KCNH7: variants seen among roughly 807,000 people sequenced by gnomAD.
KCNH7 encodes the protein voltage-gated inwardly rectifying potassium channel KCNH7.
KCNH7 carries 49 observed loss-of-function variants against 120.8 expected under a neutral mutation model. The observed-to-expected ratio is 0.41, with a 90% CI of 0.32 to 0.51. The LOEUF (loss-of-function observed/expected upper bound fraction) is 0.51. Among genes scored for constraint, KCNH7 ranks in the 20% least tolerant of loss-of-function variants. The pLI, the probability that KCNH7 is intolerant of heterozygous loss-of-function variation, is 0.38. For synonymous variants in KCNH7, 547 were observed against 516.1 expected (o/e 1.06, Z -0.81); for missense variants, 1,097 against 1,446.6 (o/e 0.76, Z 3.92).
At chr2:162,787,515 G>C (rs532879016) in intron 2 of KCNH7, among the ~76,000 whole-genome samples, 21 of 152,108 alleles carry the variant, frequency 1.4e-4, no homozygotes, top group African/African-American at 4.8e-4. Context: ...GCTACTCATG[G>C]ATCTTGGACC....
chr2:162,564,519 T>C (rs1693181562), intron 2 of KCNH7, among the ~76,000 whole-genome samples: 1 of 152,138 alleles, frequency 6.6e-6, no homozygotes, highest in Non-Finnish European at 1.5e-5. Context: ...AAATTGCTTA[T>C]ATAATTGATC....
intron 2 of KCNH7, among the ~76,000 whole-genome samples, chr2:162,767,266 C>T (rs983028961): frequency 4.0e-5 from 6 of 151,768 alleles, no homozygotes; most frequent in Non-Finnish European, 5.9e-5. Flanking sequence ...AAGAGTATGG[C>T]ACATTTAAAA....
intron 2 of KCNH7, among the ~76,000 whole-genome samples, chr2:162,713,210 C>G (rs2105361205): frequency 6.6e-6 from 1 of 152,210 alleles, no homozygotes; most frequent in Non-Finnish European, 1.5e-5. Context: ...GTATTTACTG[C>G]AAGAGACAAC....
At chr2:162,629,150 G>A (rs1415943084) in intron 2 of KCNH7, among the ~76,000 whole-genome samples, 1 of 152,112 alleles carries the variant, frequency 6.6e-6, no homozygotes, top group African/African-American at 2.4e-5. Flanking sequence ...TACCTCACTA[G>A]TGGGCTGCTG....
chr2:162,597,097 C>T (rs1269368884), intron 2 of KCNH7, among the ~76,000 whole-genome samples: 1 of 152,012 alleles, frequency 6.6e-6, no homozygotes, highest in African/African-American at 2.4e-5. Context: ...CACTGTTGGT[C>T]AGAATGTAAA....
chr2:162,606,200 G>A (rs1027256308), intron 2 of KCNH7, among the ~76,000 whole-genome samples: 2 of 152,010 alleles, frequency 1.3e-5, no homozygotes, highest in African/African-American at 4.8e-5. Context: ...TGTGGCCCAT[G>A]AATTTTTTTT....
intron 6 of KCNH7, 127 bp downstream of exon 6, chr2:162,504,316 T>A: frequency 1.5e-6 from 1 of 673,780 alleles, no homozygotes; most frequent in Non-Finnish European, 2.6e-6. Context: ...CATCTCAAGA[T>A]AAATAGGAGT....
intron 2 of KCNH7, among the ~76,000 whole-genome samples, chr2:162,601,547 A>T (rs1694558833): frequency 6.6e-6 from 1 of 151,714 alleles, no homozygotes; most frequent in Non-Finnish European, 1.5e-5. Context: ...AACAAACTAT[A>T]AAATTAATCT....
At position 162,722,813 on chromosome 2, in the gene KCNH7, C is replaced by CTT. The variant is rs894023630; in HGVS notation, c.307+113722_307+113723dup. On this transcript the variant is annotated intron_variant, in intron 2 of 15. Coordinates refer to ENST00000332142, the MANE Select transcript of KCNH7 (RefSeq NM_033272.4). ...AATCCTTTTCATTCATTCTTTTTTT[C>CTT]TTTTTTTTTTTTTTTTTTGCTTCTC... Among the ~76,000 whole-genome samples the CTT allele has an allele frequency of 3.6e-3, 306 of 85,098 alleles. 5 individuals are homozygous for CTT. The East Asian group carries it at 0.042, about 12-fold the overall frequency. The allele number at this position is 85,098 out of a possible 152,430, so 55.8% of individuals were successfully genotyped here.
chr2:162,388,731 G>A (rs1686654042), intron 12 of KCNH7, among the ~76,000 whole-genome samples: 1 of 151,858 alleles, frequency 6.6e-6, no homozygotes, highest in Admixed American at 6.6e-5. Context: ...AATTTTCACA[G>A]GAGCTATTTT....
intron 10 of KCNH7, among the ~76,000 whole-genome samples, chr2:162,398,052 C>A (rs1227926633): frequency 6.6e-6 from 1 of 151,798 alleles, no homozygotes; most frequent in Non-Finnish European, 1.5e-5. Context: ...TTCTGACTAT[C>A]AAAGTACTTA....
intron 9 of KCNH7, among the ~76,000 whole-genome samples, chr2:162,413,920 GA>G (rs1687467654): frequency 6.6e-6 from 1 of 151,570 alleles, no homozygotes; most frequent in South Asian, 2.1e-4. Flanking sequence ...AAATAATACG[GA>G]AAAAATAATG....
chr2:162,446,569 G>A (rs1308060367), intron 6 of KCNH7, 126 bp from the exon 7 acceptor site: 18 of 707,828 alleles, frequency 2.5e-5, no homozygotes, highest in Admixed American at 2.5e-4. Context: ...TAATTTGGAA[G>A]TATTTATGAA....
chr2:162,732,847 C>A (rs1180732555), intron 2 of KCNH7, among the ~76,000 whole-genome samples: 5 of 152,148 alleles, frequency 3.3e-5, no homozygotes, highest in Admixed American at 1.3e-4. Flanking sequence ...CTTTCTACAC[C>A]TCCATCATTA....
At chr2:162,762,068 A>T (rs1431775476) in intron 2 of KCNH7, among the ~76,000 whole-genome samples, 1 of 152,024 alleles carries the variant, frequency 6.6e-6, no homozygotes, top group Non-Finnish European at 1.5e-5. Flanking sequence ...TTTGCCTCTC[A>T]AGAATACAAA....
intron 2 of KCNH7, among the ~76,000 whole-genome samples, chr2:162,566,585 C>A (rs1693265054): frequency 6.6e-6 from 1 of 151,994 alleles, no homozygotes; most frequent in Non-Finnish European, 1.5e-5. Flanking sequence ...TTCATTGATT[C>A]ATTATTCATT....
intron 2 of KCNH7, among the ~76,000 whole-genome samples, chr2:162,540,744 C>T (rs1175078157): frequency 2.0e-5 from 3 of 152,064 alleles, no homozygotes; most frequent in East Asian, 3.9e-4. Flanking sequence ...GACAGGAAGG[C>T]ACTGGAGAGT....
intron 2 of KCNH7, among the ~76,000 whole-genome samples, chr2:162,814,605 TAC>T (rs1450258611): frequency 6.6e-6 from 1 of 152,210 alleles, no homozygotes; most frequent in African/African-American, 2.4e-5. Flanking sequence ...CTGCCTTTGT[TAC>T]AGAGACTATT....
chr2:162,698,057 A>G (rs1054563620), intron 2 of KCNH7, among the ~76,000 whole-genome samples: 1 of 152,180 alleles, frequency 6.6e-6, no homozygotes, highest in Non-Finnish European at 1.5e-5. Flanking sequence ...ACATTCACAT[A>G]GTTGATACAG....
Sources: allele counts gnomAD v4.1 joint callset (sites outside exome capture counted in the v4.1 genomes callset), GRCh38; gene constraint gnomAD v4.1.1; transcripts MANE v1.5; gene names NCBI Gene and HGNC (gene_info 2026-07-23, HGNC 2026-07-21).